The following USP34 variants were observed in gnomAD, a reference collection of about 807,000 sequenced individuals.
USP34 encodes the protein ubiquitin specific peptidase 34, also known as ubiquitin carboxyl-terminal hydrolase 34.
USP34 carries 70 observed loss-of-function variants against 460.3 expected under a neutral mutation model. The observed-to-expected ratio is 0.15, with a 90% CI of 0.13 to 0.19. The LOEUF is 0.19. Among genes scored for constraint, USP34 ranks in the 10% least tolerant of loss-of-function variants. The pLI is 1.00. For synonymous variants in USP34, 1,647 were observed against 1,405.3 expected (o/e 1.17, Z -3.85); for missense variants, 3,985 against 4,236.2 (o/e 0.94, Z 1.65).
At chr2:61,265,099 CTCA>C (rs1689008309) in intron 43 of USP34, among the ~76,000 whole-genome samples, 1 of 151,846 alleles carries the variant, frequency 6.6e-6, no homozygotes, top group Non-Finnish European at 1.5e-5. Flanking sequence ...GTTTTTTATT[CTCA>C]TATGTTCTCC....
Position 61,405,992 on chromosome 2 carries a change from T to C in USP34, c.268A>G (p.Ile90Val). Reference protein sequence around the residue: ...QLCKHCTTINIDSTWQDESNQ... With the variant: ...QLCKHCTTINVDSTWQDESNQ... The stretch of plus-strand genomic sequence containing the variant: ...CTCTCATCTTGCCACGTGGAATCTA[T>C]GTTAATGGTAGTACAATGTTTACAA... Residue 90 changes from isoleucine to valine, a missense_variant, in exon 3 of 80, where the codon ATA becomes GTA. Physicochemically the swap from Ile to Val is conservative, Grantham distance 29. Transcript: ENST00000398571. 6.2e-7 allele frequency: 1 copy of C among 1,613,822 alleles called. No individual in the cohort carries two copies. Among genetic ancestry groups the C allele is most frequent in the East Asian group, 2.2e-5 (1 of 44,824 alleles).
At chr2:61,327,751 C>CT (rs1303023321) in intron 20 of USP34, among the ~76,000 whole-genome samples, 1 of 152,142 alleles carries the variant, frequency 6.6e-6, no homozygotes, top group African/African-American at 2.4e-5. Context: ...CATCAGGGTC[C>CT]TATGGGCTGC....
chr2:61,314,558 C>T, intron 25 of USP34, 27 bp downstream of exon 25: 2 of 1,449,280 alleles, frequency 1.4e-6, no homozygotes, highest in South Asian at 3.4e-5. Context: ...GAAATTCATT[C>T]TAACAGTGTG....
intron 1 of USP34, among the ~76,000 whole-genome samples, chr2:61,463,887 C>G (rs1030054054): frequency 2.0e-5 from 3 of 151,810 alleles, no homozygotes; most frequent in African/African-American, 7.2e-5. Context: ...GTGGTTCCAC[C>G]AAACAGTCAC....
intron 34 of USP34, among the ~76,000 whole-genome samples, chr2:61,287,324 A>C (rs1689720008): frequency 6.6e-6 from 1 of 152,208 alleles, no homozygotes; most frequent in Non-Finnish European, 1.5e-5. Context: ...ATCTCCCTAA[A>C]ATCTCACCTT....
chr2:61,256,333 T>C, intron 48 of USP34, 51 bp downstream of exon 48: 1 of 1,483,990 alleles, frequency 6.7e-7, no homozygotes, highest in Non-Finnish European at 9.3e-7. Flanking sequence ...CCTTAGTTTG[T>C]CTTTCACTTC....
chr2:61,325,287 A>C (rs1691051664), intron 21 of USP34, 88 bp downstream of exon 21: 11 of 833,304 alleles, frequency 1.3e-5, no homozygotes, highest in African/African-American at 3.7e-5. Context: ...AAAAAAAAAA[A>C]AAAACTGCAG....
In USP34 at chr2:61,349,844, A is replaced by C. The variant is rs1338070496; in HGVS notation, c.1507+416T>G. Reference sequence around the variant, plus strand: ...TGACAGACCGAGGCTCCGTCTCAAAAAACAACAACAACAACAACAACAACA... The same window carrying C: ...TGACAGACCGAGGCTCCGTCTCAAACAACAACAACAACAACAACAACAACA... On this transcript the variant is annotated intron_variant, in intron 12 of 79. Coordinates refer to ENST00000398571, the MANE Select transcript of USP34 (RefSeq NM_014709.4). Among the ~76,000 whole-genome samples, 4 of 148,834 alleles carry C rather than the reference A, an allele frequency of 2.7e-5. No individual in the cohort carries two copies. The South Asian group carries it at 6.3e-4, about 23-fold the overall frequency.
chr2:61,391,220 C>T (rs571074564), intron 5 of USP34, among the ~76,000 whole-genome samples: 1 of 152,160 alleles, frequency 6.6e-6, no homozygotes, highest in South Asian at 2.1e-4. Context: ...CCAAGGCGGG[C>T]GGATCATTTG....
At position 61,359,553 on chromosome 2, in the gene USP34, C is replaced by T. The variant is rs924233433; in HGVS notation, c.1252-8860G>A. Among the ~76,000 whole-genome samples, 14 of 151,872 alleles carry T rather than the reference C, an allele frequency of 9.2e-5. No individual in the cohort carries two copies. In the East Asian group the frequency reaches 1.2e-3, roughly 13 times the overall value. On this transcript the variant is annotated intron_variant, in intron 10 of 79. Coordinates refer to ENST00000398571, the MANE Select transcript of USP34 (RefSeq NM_014709.4). ...TTTGAAAATTATTTCTTGGGTATGA[C>T]GCCAAAAATAGTCAACAACAACAAA...
intron 3 of USP34, among the ~76,000 whole-genome samples, chr2:61,397,408 A>C (rs2103909505): frequency 6.7e-6 from 1 of 149,374 alleles, no homozygotes; most frequent in East Asian, 2.0e-4. Flanking sequence ...GCACCACTGC[A>C]CTCCAGCCTG....
chr2:61,342,784 A>G (rs1408092132), intron 16 of USP34, among the ~76,000 whole-genome samples: 2 of 152,206 alleles, frequency 1.3e-5, no homozygotes, highest in Non-Finnish European at 2.9e-5. Flanking sequence ...TTCTGTCTAC[A>G]ATGGGTTGTG....
chr2:61,265,104 A>G (rs1689008544), intron 43 of USP34, among the ~76,000 whole-genome samples: 1 of 152,232 alleles, frequency 6.6e-6, no homozygotes, highest in East Asian at 1.9e-4. Flanking sequence ...TTATTCTCAT[A>G]TGTTCTCCCA....
intron 20 of USP34, among the ~76,000 whole-genome samples, chr2:61,326,822 C>T (rs1044650742): frequency 2.0e-5 from 3 of 147,148 alleles, no homozygotes; most frequent in African/African-American, 5.1e-5. Flanking sequence ...GTTTCACACT[C>T]GCCCAGGTTG....
At chr2:61,227,270 T>C (rs2103822019) in intron 61 of USP34, 52 bp from the exon 62 acceptor site, 2 of 1,548,306 alleles carry the variant, frequency 1.3e-6, no homozygotes, top group Non-Finnish European at 1.7e-6. Flanking sequence ...TAATATCATT[T>C]TGAGAACAAA....
chr2:61,315,065 A>T (rs1223017176), intron 23 of USP34, 91 bp from the exon 24 acceptor site: 4 of 879,088 alleles, frequency 4.6e-6, no homozygotes, highest in Non-Finnish European at 7.0e-6. Context: ...AATCATAGGC[A>T]ACTCCTATTA....
At chr2:61,361,258 A>T (rs1362297711) in intron 10 of USP34, among the ~76,000 whole-genome samples, 17 of 152,082 alleles carry the variant, frequency 1.1e-4, no homozygotes, top group Admixed American at 4.6e-4. Flanking sequence ...AAAACAATTT[A>T]AAAAAATTAA....
intron 48 of USP34, among the ~76,000 whole-genome samples, chr2:61,251,314 AAGAAT>A (rs1688575848): frequency 1.3e-5 from 2 of 152,220 alleles, no homozygotes; most frequent in Admixed American, 6.5e-5. Context: ...TATATTTCAA[AAGAAT>A]GAATAACACT....
chr2:61,264,031 C>G (rs549680197), intron 43 of USP34, among the ~76,000 whole-genome samples: 1 of 152,190 alleles, frequency 6.6e-6, no homozygotes, highest in East Asian at 1.9e-4. Context: ...GACCAAGTTG[C>G]CAGCTAAAAA....
Sources: allele counts gnomAD v4.1 joint callset (sites outside exome capture counted in the v4.1 genomes callset), GRCh38; gene constraint gnomAD v4.1.1; transcripts MANE v1.5; gene names NCBI Gene and HGNC (gene_info 2026-07-23, HGNC 2026-07-21).